The following SLC22A14 variants were observed in gnomAD, a reference collection of about 807,000 sequenced individuals.
SLC22A14 encodes solute carrier family 22 member 14, also known as organic cation transporter-like 4.
A neutral mutation model predicts 53.9 loss-of-function variants in SLC22A14; 50 were observed. The observed-to-expected ratio is 0.93, with a 90% CI of 0.74 to 1.17. The LOEUF (loss-of-function observed/expected upper bound fraction) is 1.17. Ranked by LOEUF, SLC22A14 falls within the 50% of genes most tolerant of loss-of-function variation. The pLI is 0.00. For missense variants in SLC22A14, 671 were observed against 734.7 expected (o/e 0.91, Z 1.00); for synonymous variants, 312 against 303.0 (o/e 1.03, Z -0.31).
chr3:38,313,288 C>T lies in SLC22A14; in HGVS notation c.1066-100C>T, dbSNP rs937383203. The T allele has an allele frequency of 2.2e-5, 30 of 1,394,090 alleles. No individual in the cohort carries two copies. In the African/African-American group the frequency reaches 4.1e-4, roughly 19 times the overall value. The allele number at this position is 1,394,090 out of a possible 1,614,324, so 86.4% of individuals were successfully genotyped here. A position where few individuals can be genotyped will look rare whatever the true frequency, so the allele number is the denominator to read the frequency against. ...CCTGCCAGGGAAGGCCAGAAGCCAGCTGGCACTTTCAGGGACAGGCAGGCC... is the reference window on the plus strand; with the variant it reads ...CCTGCCAGGGAAGGCCAGAAGCCAGTTGGCACTTTCAGGGACAGGCAGGCC... On this transcript the variant is annotated intron_variant, in intron 6 of 10. Coordinates refer to ENST00000448498, the MANE Select transcript of SLC22A14 (RefSeq NM_001320033.2).
intron 2 of SLC22A14, 104 bp downstream of exon 2, chr3:38,306,646 C>T: frequency 8.3e-7 from 1 of 1,198,816 alleles, no homozygotes; most frequent in East Asian, 2.3e-5. Context: ...GATGGGAAGC[C>T]ATTGGCCTGA....
intron 1 of SLC22A14, among the ~76,000 whole-genome samples, chr3:38,299,717 T>C (rs942593643): frequency 1.3e-5 from 2 of 152,168 alleles, no homozygotes; most frequent in South Asian, 2.1e-4. Context: ...CATGCATCAC[T>C]ACACCTGGTT....
At chr3:38,290,093 A>G (rs1055372654) in intron 1 of SLC22A14, among the ~76,000 whole-genome samples, 8 of 152,132 alleles carry the variant, frequency 5.3e-5, no homozygotes, top group Admixed American at 2.0e-4. Context: ...TGCAAGCCCT[A>G]TGTTTAAAGG....
intron 7 of SLC22A14, 44 bp from the exon 8 acceptor site, chr3:38,313,683 T>TGTGTGTGTGTGTGTGCGCGCGC: frequency 2.7e-6 from 2 of 737,124 alleles, no homozygotes; most frequent in Non-Finnish European, 4.0e-6. Flanking sequence ...GCTCCGTGTG[T>TGTGTGTGTGTGTGTGCGCGCGC]GTGCGCGCGT....
chr3:38,287,280 C>T (rs1703815100), intron 1 of SLC22A14, among the ~76,000 whole-genome samples: 2 of 152,080 alleles, frequency 1.3e-5, no homozygotes, highest in Admixed American at 6.6e-5. Flanking sequence ...TTTACACATT[C>T]TTATATACCT....
intron 7 of SLC22A14, 42 bp from the exon 8 acceptor site, chr3:38,313,685 T>C (rs374493931): frequency 1.3e-5 from 12 of 901,910 alleles, no homozygotes; most frequent in African/African-American, 4.8e-5. Context: ...TCCGTGTGTG[T>C]GCGCGCGTGT....
chr3:38,298,858 CCT>C lies in SLC22A14; in HGVS notation c.1-7168_1-7167del, dbSNP rs1252278422. 1.1e-4 allele frequency among the ~76,000 whole-genome samples: 17 copies of C among 152,152 alleles called. No individual in the cohort carries two copies. In the South Asian group the frequency reaches 3.5e-3, roughly 32 times the overall value. ...GTGTGAGCCACTGTTCCCAGCTTCC[CCT>C]GTCCTTTATTGTAACTCCTTTCTCT... On this transcript the variant is annotated intron_variant, in intron 1 of 10. Coordinates refer to ENST00000448498, the MANE Select transcript of SLC22A14 (RefSeq NM_001320033.2).
Position 38,316,519 on chromosome 3 carries a change from G to C in SLC22A14, c.1728G>C (p.Gln576His). 6.2e-7 allele frequency: 1 copy of C among 1,613,944 alleles called. No homozygotes were observed. The highest frequency in any genetic ancestry group is 1.1e-5 in the South Asian group (1 of 91,060). ...PLSESLNHSS[Q>H]IRNKVKDMKT... ...CCGAGAGCCTGAACCACTCCTCACAGATAAGGTAGGTGTGGGAGCCTCCTG... is the reference window on the plus strand; with the variant it reads ...CCGAGAGCCTGAACCACTCCTCACACATAAGGTAGGTGTGGGAGCCTCCTG... The change falls in exon 10 of 11, where the codon CAG becomes CAC. Residue 576 changes from glutamine to histidine, a missense_variant. Physicochemically the swap from Gln to His is conservative, Grantham distance 24. Transcript: ENST00000448498.
rs574208478 is a variant in SLC22A14 at position 38,294,144 on chromosome 3, A to T, written c.-1+11805A>T. 5.8e-5 allele frequency among the ~76,000 whole-genome samples: 8 copies of T among 137,888 alleles called. No homozygotes were observed. The East Asian group carries it at 1.7e-3, about 29-fold the overall frequency. 90.5% of individuals were successfully genotyped at this position (137,888 alleles called of 152,430 possible). A position where few individuals can be genotyped will look rare whatever the true frequency, so the allele number is the denominator to read the frequency against. ...ATTGGCACTCTTTGGTTCATTGTTT[A>T]CCCCTTTGTTTATCTCCTTTTGGAC... On this transcript the variant is annotated intron_variant, in intron 1 of 10. Coordinates refer to ENST00000448498, the MANE Select transcript of SLC22A14 (RefSeq NM_001320033.2).
At chr3:38,292,437 A>G (rs771094601) in intron 1 of SLC22A14, among the ~76,000 whole-genome samples, 4 of 152,160 alleles carry the variant, frequency 2.6e-5, no homozygotes, top group Non-Finnish European at 5.9e-5. Context: ...ATAGCTGGGT[A>G]TAGAGGGACA....
Position 38,309,063 on chromosome 3 carries a change from C to T in SLC22A14, c.885C>T (p.His295=). ...LLTGIAYSLP[H]WQLLFLVGGI... ...CAGGGATCGCCTACAGTCTTCCCCA[C>T]TGGCAGCTGCTGTTTCTGGTGGGTG... Residue 295 remains histidine (H), a synonymous_variant, in exon 5 of 11, where the codon CAC becomes CAT. Transcript: ENST00000448498. 1 of 1,614,080 alleles carries T rather than the reference C, an allele frequency of 6.2e-7. No homozygotes were observed. The highest frequency in any genetic ancestry group is 8.5e-7 in the Non-Finnish European group (1 of 1,179,922).
At chr3:38,283,737 G>T (rs966136011) in intron 1 of SLC22A14, among the ~76,000 whole-genome samples, 5 of 152,154 alleles carry the variant, frequency 3.3e-5, no homozygotes, top group Non-Finnish European at 7.3e-5. Flanking sequence ...GGCTGAGCCA[G>T]TAGAATCACT....
chr3:38,312,282 A>T (rs1704488937), intron 5 of SLC22A14, among the ~76,000 whole-genome samples: 1 of 152,220 alleles, frequency 6.6e-6, no homozygotes, highest in Non-Finnish European at 1.5e-5. Flanking sequence ...TAAAATGGGG[A>T]TAATCATACT....
chr3:38,290,914 T>C (rs1188335846), intron 1 of SLC22A14, among the ~76,000 whole-genome samples: 1 of 152,168 alleles, frequency 6.6e-6, no homozygotes, highest in Non-Finnish European at 1.5e-5. Flanking sequence ...CCTGGCAGTG[T>C]AAGACTGCCA....
chr3:38,301,711 T>A (rs1434661766), intron 1 of SLC22A14, among the ~76,000 whole-genome samples: 1 of 152,002 alleles, frequency 6.6e-6, no homozygotes, highest in Admixed American at 6.5e-5. Context: ...TTCCCTCTGA[T>A]TTTAAAAGGG....
At chr3:38,286,927 G>A (rs955542657) in intron 1 of SLC22A14, among the ~76,000 whole-genome samples, 6 of 151,652 alleles carry the variant, frequency 4.0e-5, no homozygotes, top group Non-Finnish European at 7.4e-5. Flanking sequence ...ACTGGAGACC[G>A]GGTTTCACCA....
rs779843158 is a variant in SLC22A14, at chr3:38,306,524, G to A, written c.498G>A (p.Lys166=). 2 of 1,613,386 alleles carry A rather than the reference G, an allele frequency of 1.2e-6. No homozygotes were observed. Among genetic ancestry groups the A allele is most frequent in the South Asian group, 1.1e-5 (1 of 90,978 alleles). ...GGTGGATCTATCCTGACGCTAAGAA[G>A]CGATCGCTGATCAATGAGGTATGTC... ...QDGWIYPDAK[K]RSLINEFDLV... Residue 166 remains lysine, a synonymous_variant, in exon 2 of 11, where the codon AAG becomes AAA. Transcript: ENST00000448498.
chr3:38,302,250 A>ATATATATACATATATATATT (rs1559548457), intron 1 of SLC22A14, among the ~76,000 whole-genome samples: 8 of 98,432 alleles, frequency 8.1e-5, no homozygotes, highest in East Asian at 4.5e-4. Flanking sequence ...AAAAAAGTAT[A>ATATATATACATATATATATT]TATATATACA....
intron 1 of SLC22A14, among the ~76,000 whole-genome samples, chr3:38,282,756 A>G (rs1703700921): frequency 6.6e-6 from 1 of 152,062 alleles, no homozygotes; most frequent in Non-Finnish European, 1.5e-5. Context: ...CTGCAGAGGG[A>G]GGCTGGTACA....
Sources: allele counts gnomAD v4.1 joint callset (sites outside exome capture counted in the v4.1 genomes callset), GRCh38; gene constraint gnomAD v4.1.1; transcripts MANE v1.5; gene names NCBI Gene and HGNC (gene_info 2026-07-23, HGNC 2026-07-21).